Variants in PDSS2 observed in about 807,000 individuals in gnomAD.
PDSS2 encodes all trans-polyprenyl-diphosphate synthase PDSS2.
A neutral mutation model predicts 44.5 loss-of-function variants in PDSS2; 31 were observed. The observed-to-expected ratio is 0.70, with a 90% CI of 0.52 to 0.94. The LOEUF (loss-of-function observed/expected upper bound fraction) is 0.94. Ranked by LOEUF, PDSS2 falls within the 40% of genes least tolerant of loss-of-function variation. The pLI is 0.00. For synonymous variants in PDSS2, 157 were observed against 180.3 expected (o/e 0.87, Z 1.03); for missense variants, 452 against 482.2 (o/e 0.94, Z 0.59).
At chr6:107,197,657 G>C (rs776442190) in intron 6 of PDSS2, among the ~76,000 whole-genome samples, 10 of 152,102 alleles carry the variant, frequency 6.6e-5, no homozygotes, top group Non-Finnish European at 1.3e-4. Context: ...ACACTTTTGA[G>C]TGTGTTTTCT....
chr6:107,359,880 C>T (rs1030401405), intron 1 of PDSS2, among the ~76,000 whole-genome samples: 1 of 152,084 alleles, frequency 6.6e-6, no homozygotes, highest in African/African-American at 2.4e-5. Flanking sequence ...TTAGAAATTG[C>T]TCTCCCTCTT....
intron 2 of PDSS2, among the ~76,000 whole-genome samples, chr6:107,313,754 T>C (rs1259176396): frequency 6.6e-6 from 1 of 152,180 alleles, no homozygotes; most frequent in African/African-American, 2.4e-5. Flanking sequence ...GCTTTTAATA[T>C]CTTTAAAATG....
intron 2 of PDSS2, among the ~76,000 whole-genome samples, chr6:107,304,384 C>G (rs1413844283): frequency 1.3e-5 from 2 of 152,230 alleles, no homozygotes; most frequent in Non-Finnish European, 2.9e-5. Context: ...CGCATGTACT[C>G]TTATATACGT....
chr6:107,325,204 GTAATT>G (rs1777501007), intron 2 of PDSS2, among the ~76,000 whole-genome samples: 2 of 152,162 alleles, frequency 1.3e-5, no homozygotes, highest in South Asian at 4.1e-4. Context: ...GTTAAGATCT[GTAATT>G]TGATTTTAAG....
chr6:107,339,773 T>A (rs1463875664), intron 1 of PDSS2, among the ~76,000 whole-genome samples: 1 of 152,114 alleles, frequency 6.6e-6, no homozygotes, highest in East Asian at 1.9e-4. Context: ...TATGCCAGGC[T>A]GAGAGCACTG....
chr6:107,271,087 C>T (rs539769088), intron 3 of PDSS2, among the ~76,000 whole-genome samples: 3 of 152,160 alleles, frequency 2.0e-5, no homozygotes, highest in Non-Finnish European at 4.4e-5. Flanking sequence ...TGCATATATA[C>T]CTTCTGCAAC....
intron 7 of PDSS2, among the ~76,000 whole-genome samples, chr6:107,186,486 T>C (rs1245075344): frequency 6.6e-6 from 1 of 151,970 alleles, no homozygotes; most frequent in Non-Finnish European, 1.5e-5. Context: ...GTTTTTTTTT[T>C]ACTCTTTATT....
At chr6:107,410,448 T>C (rs982656733) in intron 1 of PDSS2, among the ~76,000 whole-genome samples, 1 of 151,026 alleles carries the variant, frequency 6.6e-6, no homozygotes, top group African/African-American at 2.4e-5. Flanking sequence ...AAGGATAGCA[T>C]GTTATATGTA....
At chr6:107,334,053 GA>G (rs761420578) in intron 2 of PDSS2, 144 bp downstream of exon 2, 46 of 761,154 alleles carry the variant, frequency 6.0e-5, no homozygotes, top group Non-Finnish European at 8.9e-5. Context: ...CACTTATTAT[GA>G]ACAATAAAAA....
In PDSS2 at chr6:107,188,378, C is replaced by CA. The variant is rs112224781; in HGVS notation, c.1041+5443dup. Among the ~76,000 whole-genome samples, 109 of 128,520 alleles carry CA rather than the reference C, an allele frequency of 8.5e-4. 1 individual carries two copies. The highest frequency in any genetic ancestry group is 1.1e-3 in the Admixed American group (14 of 12,752). 84.3% of individuals were successfully genotyped at this position (128,520 alleles called of 152,430 possible). On this transcript the variant is annotated intron_variant, in intron 7 of 7. Coordinates refer to ENST00000369037, the MANE Select transcript of PDSS2 (RefSeq NM_020381.4). Reference sequence around the variant, plus strand: ...TGGGTGACAGAGTGAGACCCTGTCTCAAAAAAAAAAAAAATTTAAATTTAA... The same window carrying CA: ...TGGGTGACAGAGTGAGACCCTGTCTCAAAAAAAAAAAAAAATTTAAATTTAA...
At chr6:107,162,609 A>ACTTTTTTTTT (rs1771183547) in intron 7 of PDSS2, among the ~76,000 whole-genome samples, 3 of 63,420 alleles carry the variant, frequency 4.7e-5, no homozygotes, top group East Asian at 4.3e-4. Context: ...AGAATTCCCT[A>ACTTTTTTTTT]ATTTTTTTTT....
At chr6:107,236,095 CA>C (rs1377573077) in intron 4 of PDSS2, among the ~76,000 whole-genome samples, 1 of 151,730 alleles carries the variant, frequency 6.6e-6, no homozygotes, top group Non-Finnish European at 1.5e-5. Flanking sequence ...GAATCCCAAG[CA>C]AAAGAAACAT....
At chr6:107,241,946 G>A (rs1403022331) in intron 4 of PDSS2, among the ~76,000 whole-genome samples, 1 of 152,186 alleles carries the variant, frequency 6.6e-6, no homozygotes, top group Non-Finnish European at 1.5e-5. Context: ...CCACAGAGGA[G>A]CCTCTCTTCC....
intron 5 of PDSS2, among the ~76,000 whole-genome samples, chr6:107,211,290 T>G (rs554030330): frequency 1.9e-4 from 29 of 151,782 alleles, no homozygotes; most frequent in South Asian, 1.5e-3. Flanking sequence ...ATTATATATA[T>G]AGAGAGAGGC....
chr6:107,222,480 C>A lies in PDSS2; in HGVS notation c.703-10198G>T, dbSNP rs569204190. 2.6e-5 allele frequency among the ~76,000 whole-genome samples: 4 copies of A among 151,858 alleles called. No individual in the cohort carries two copies. In the South Asian group the frequency reaches 8.3e-4, roughly 32 times the overall value. On this transcript the variant is annotated intron_variant, in intron 4 of 7. Transcript: ENST00000369037. ...GACCATCCTGGCCAAAATGGTGAAACCCCATCTCTACTAAAAATACAAAAA... is the reference window on the plus strand; with the variant it reads ...GACCATCCTGGCCAAAATGGTGAAAACCCATCTCTACTAAAAATACAAAAA...
At chr6:107,416,515 A>G (rs1780665389) in intron 1 of PDSS2, among the ~76,000 whole-genome samples, 1 of 152,218 alleles carries the variant, frequency 6.6e-6, no homozygotes, top group Non-Finnish European at 1.5e-5. Context: ...ATCATTGACT[A>G]AGATAGCTTA....
intron 1 of PDSS2, among the ~76,000 whole-genome samples, chr6:107,361,265 C>G (rs1006172307): frequency 6.6e-6 from 1 of 152,094 alleles, no homozygotes; most frequent in African/African-American, 2.4e-5. Flanking sequence ...AAGGTAAACA[C>G]CAGATATATG....
intron 2 of PDSS2, among the ~76,000 whole-genome samples, chr6:107,329,600 G>A (rs1777650915): frequency 1.3e-5 from 2 of 152,126 alleles, no homozygotes; most frequent in African/African-American, 4.8e-5. Context: ...ATTTTGACTT[G>A]ATTAGCTCTG....
intron 2 of PDSS2, among the ~76,000 whole-genome samples, chr6:107,312,842 T>C (rs1417886832): frequency 1.3e-5 from 2 of 152,232 alleles, no homozygotes; most frequent in Non-Finnish European, 2.9e-5. Flanking sequence ...GTGCTTCATA[T>C]ATGTTTTTCA....
Sources: allele counts gnomAD v4.1 joint callset (sites outside exome capture counted in the v4.1 genomes callset), GRCh38; gene constraint gnomAD v4.1.1; transcripts MANE v1.5; gene names NCBI Gene and HGNC (gene_info 2026-07-23, HGNC 2026-07-21).